Variants in GMDS observed in about 807,000 individuals in gnomAD.
GMDS encodes GDP-mannose 4,6 dehydratase.
A neutral mutation model predicts 49.9 loss-of-function variants in GMDS; 20 were observed. The observed-to-expected ratio is 0.40, with a 90% CI of 0.28 to 0.58. The LOEUF (loss-of-function observed/expected upper bound fraction) is 0.58, where lower values mean the gene tolerates loss of function less well. GMDS is among the 20% of genes least tolerant of loss of function. The pLI is 0.42. For missense variants in GMDS, 362 were observed against 481.4 expected (o/e 0.75, Z 2.32); for synonymous variants, 177 against 178.6 (o/e 0.99, Z 0.07).
At chr6:1,812,972 C>G (rs1581210824) in intron 7 of GMDS, among the ~76,000 whole-genome samples, 1 of 151,932 alleles carries the variant, frequency 6.6e-6, no homozygotes, top group African/African-American at 2.4e-5. Context: ...CCTGTAATCC[C>G]AGAACTTCGG....
At chr6:1,966,317 G>C (rs1441652131) in intron 4 of GMDS, among the ~76,000 whole-genome samples, 3 of 146,912 alleles carry the variant, frequency 2.0e-5, no homozygotes, top group Non-Finnish European at 4.5e-5. Context: ...TGCAGACCAA[G>C]TTAACAGTAA....
intron 9 of GMDS, among the ~76,000 whole-genome samples, chr6:1,650,373 G>T (rs973919676): frequency 3.9e-5 from 6 of 152,132 alleles, no homozygotes; most frequent in Middle Eastern, 3.4e-3. Flanking sequence ...GACTCCTTAG[G>T]TTCTCAGCCC....
At chr6:2,186,151 A>G (rs1309157262) in intron 1 of GMDS, among the ~76,000 whole-genome samples, 1 of 152,234 alleles carries the variant, frequency 6.6e-6, no homozygotes, top group Non-Finnish European at 1.5e-5. Flanking sequence ...TTTGCCATGT[A>G]AAAACCAAGT....
At chr6:1,646,801 C>T (rs1213414529) in intron 9 of GMDS, among the ~76,000 whole-genome samples, 1 of 152,210 alleles carries the variant, frequency 6.6e-6, no homozygotes, top group Non-Finnish European at 1.5e-5. Flanking sequence ...AGGCTGAAGA[C>T]TCCCCACTTC....
intron 9 of GMDS, chr6:1,625,537 C>T (rs1430640114): frequency 2.6e-5 from 4 of 152,198 alleles, no homozygotes; most frequent in African/African-American, 9.7e-5. Context: ...AAGAGGCTTC[C>T]CTGGAAGGAA....
chr6:2,225,662 A>G (rs1780782559), intron 1 of GMDS, among the ~76,000 whole-genome samples: 1 of 152,160 alleles, frequency 6.6e-6, no homozygotes, highest in Non-Finnish European at 1.5e-5. Flanking sequence ...AGCACAAAGG[A>G]AGTAAAAAGC....
intron 7 of GMDS, among the ~76,000 whole-genome samples, chr6:1,862,317 G>T (rs750333284): frequency 6.6e-6 from 1 of 152,042 alleles, no homozygotes; most frequent in Non-Finnish European, 1.5e-5. Flanking sequence ...TAAAATAATG[G>T]TTCTCCCTTT....
At chr6:1,694,565 T>C (rs879002392) in intron 9 of GMDS, among the ~76,000 whole-genome samples, 29 of 152,318 alleles carry the variant, frequency 1.9e-4, no homozygotes, top group African/African-American at 7.0e-4. Context: ...ATCAAACATA[T>C]GCTTTTAATG....
intron 7 of GMDS, among the ~76,000 whole-genome samples, chr6:1,896,564 C>A (rs1025722891): frequency 6.6e-6 from 1 of 151,776 alleles, no homozygotes; most frequent in Non-Finnish European, 1.5e-5. Flanking sequence ...GAAGGGGGCT[C>A]GGTGCTGGGA....
At chr6:2,134,810 T>C (rs113902702) in intron 1 of GMDS, among the ~76,000 whole-genome samples, 84 of 152,362 alleles carry the variant, frequency 5.5e-4, no homozygotes, top group African/African-American at 1.9e-3. Flanking sequence ...TAGTTTGCCT[T>C]ATACTATAAC....
Position 1,726,419 on chromosome 6 carries a change from T to C in GMDS, c.984A>G (p.Glu328=). ...TGGGTGGCCAGAGAGTCCTTACCAC[T>C]TCAGTTGGCCGGTAGTACTTGAGAT... The part of the protein sequence containing the change: ...TVDLKYYRPT[E]VDFLQGDCTK... Residue 328 remains glutamate (E), a synonymous_variant, in exon 9 of 11, where the codon GAA becomes GAG. Transcript: ENST00000380815. 1 of 1,609,710 alleles carries C rather than the reference T, an allele frequency of 6.2e-7. No individual in the cohort carries two copies. The highest frequency in any genetic ancestry group is 1.7e-5 in the Admixed American group (1 of 60,014).
At position 1,893,719 on chromosome 6, in the gene GMDS, A is replaced by G. The variant is rs115454310; in HGVS notation, c.771+36384T>C. Among the ~76,000 whole-genome samples, 1,297 of 152,370 alleles carry G rather than the reference A, an allele frequency of 8.5e-3. 20 individuals carry two copies. The highest frequency in any genetic ancestry group is 0.029 in the African/African-American group (1,216 of 41,590). On this transcript the variant is annotated intron_variant, in intron 7 of 10. Transcript: ENST00000380815. ...ATAAAAGGCAGTGTGAATAAGGTGT[A>G]TTGAAGCTACACTGGACTCGTGTGA...
At chr6:2,058,995 G>A (rs1770945740) in intron 4 of GMDS, among the ~76,000 whole-genome samples, 1 of 151,910 alleles carries the variant, frequency 6.6e-6, no homozygotes, top group Non-Finnish European at 1.5e-5. Flanking sequence ...GGCCAACACG[G>A]TGAAACCCCA....
At position 1,777,402 on chromosome 6, in the gene GMDS, T is replaced by C. The variant is rs188427800; in HGVS notation, c.772-34816A>G. Among the ~76,000 whole-genome samples the C allele has an allele frequency of 3.3e-5, 5 of 152,396 alleles. No homozygotes were observed. In the East Asian group the frequency reaches 9.6e-4, roughly 29 times the overall value. On this transcript the variant is annotated intron_variant, in intron 7 of 10. Coordinates refer to ENST00000380815, the MANE Select transcript of GMDS (RefSeq NM_001500.4). ...TAGAAAGAAAACTAATCTGCTTATA[T>C]TTTTATTTTATGTTATTTCTATATT...
intron 7 of GMDS, among the ~76,000 whole-genome samples, chr6:1,831,971 A>C (rs1756667534): frequency 6.6e-6 from 1 of 152,134 alleles, no homozygotes; most frequent in Non-Finnish European, 1.5e-5. Context: ...AAAAACCATA[A>C]GGTGGTTGAT....
intron 1 of GMDS, among the ~76,000 whole-genome samples, chr6:2,198,882 G>A (rs1313872899): frequency 6.6e-6 from 1 of 152,036 alleles, no homozygotes; most frequent in African/African-American, 2.4e-5. Context: ...ACCACAATTG[G>A]TTAGAATGAG....
At chr6:2,224,187 T>C (rs1372275682) in intron 1 of GMDS, among the ~76,000 whole-genome samples, 1 of 152,078 alleles carries the variant, frequency 6.6e-6, no homozygotes, top group Non-Finnish European at 1.5e-5. Flanking sequence ...CCTTAAGAGA[T>C]AAGAAAATGG....
At chr6:1,629,674 C>A (rs1762941116) in intron 9 of GMDS, among the ~76,000 whole-genome samples, 1 of 152,212 alleles carries the variant, frequency 6.6e-6, no homozygotes, top group Non-Finnish European at 1.5e-5. Context: ...CCACTGTCAC[C>A]TCTGCTGGGA....
chr6:1,642,072 C>T (rs796270489), intron 9 of GMDS, among the ~76,000 whole-genome samples: 12 of 152,034 alleles, frequency 7.9e-5, no homozygotes, highest in African/African-American at 2.9e-4. Flanking sequence ...ATCCTGTCCT[C>T]GCTCACTTGG....
Sources: gnomAD v4.1 joint callset for allele counts (sites outside exome capture counted in the v4.1 genomes callset) on GRCh38, gnomAD v4.1.1 for gene constraint, MANE v1.5 for transcripts, NCBI Gene and HGNC (gene_info 2026-07-23, HGNC 2026-07-21) for gene names.